Variants in DENND11 observed in about 807,000 individuals in gnomAD.
The protein encoded by DENND11 is DENN domain containing 11, also known as DENN domain-containing protein 11.
Under a neutral mutation model 49.2 loss-of-function variants are expected in DENND11, and 34 were observed. The observed-to-expected ratio is 0.69, with a 90% confidence interval of 0.53 to 0.92. The LOEUF (loss-of-function observed/expected upper bound fraction) is 0.92, where lower values mean the gene tolerates loss of function less well. Among genes scored for constraint, DENND11 ranks in the 40% least tolerant of loss-of-function variants. DENND11 has a pLI of 0.00. For synonymous variants in DENND11, 238 were observed against 230.3 expected (o/e 1.03, Z -0.30); for missense variants, 475 against 581.6 (o/e 0.82, Z 1.88).
At chr7:141,675,265 G>A (rs931249274) in intron 3 of DENND11, among the ~76,000 whole-genome samples, 16 of 152,186 alleles carry the variant, frequency 1.1e-4, no homozygotes, top group African/African-American at 3.6e-4. Flanking sequence ...GCAGCTCAGG[G>A]AGAGTCCTGG....
At chr7:141,667,203 G>GAA (rs1797909402) in intron 4 of DENND11, among the ~76,000 whole-genome samples, 2 of 152,126 alleles carry the variant, frequency 1.3e-5, no homozygotes, top group Non-Finnish European at 2.9e-5. Flanking sequence ...TTACAGGCGT[G>GAA]AGCCACCACG....
At chr7:141,681,092 G>A (rs1054269047) in intron 3 of DENND11, among the ~76,000 whole-genome samples, 2 of 152,194 alleles carry the variant, frequency 1.3e-5, no homozygotes, top group African/African-American at 4.8e-5. Context: ...GGCAACCCTT[G>A]TTACACTTGT....
In DENND11 at chr7:141,660,476, G is replaced by A. The variant is rs1797772038; in HGVS notation, c.*2180C>T. The A allele has an allele frequency of 6.6e-6, 1 of 151,942 alleles. No homozygotes were observed. The highest frequency in any genetic ancestry group is 1.5e-5 in the Non-Finnish European group (1 of 67,970). The allele number at this position is 151,942 out of a possible 1,614,324, so 9.4% of individuals were successfully genotyped here. On this transcript the variant is annotated 3_prime_UTR_variant, in exon 9 of 9. Transcript: ENST00000536163. ...AGAAGCCCTGACTCACCATTCAAAG[G>A]AAAAAACAGGAACTTCATTCTCACC...
chr7:141,693,770 T>A (rs1798365218), intron 1 of DENND11, among the ~76,000 whole-genome samples: 1 of 152,180 alleles, frequency 6.6e-6, no homozygotes, highest in Non-Finnish European at 1.5e-5. Flanking sequence ...TGATTTCAAC[T>A]ATGTGACATT....
chr7:141,668,130 A>G (rs937181184), intron 4 of DENND11, among the ~76,000 whole-genome samples: 8 of 152,204 alleles, frequency 5.3e-5, no homozygotes, highest in Non-Finnish European at 8.8e-5. Context: ...TGCCCAATGT[A>G]TATTTTATAG....
chr7:141,677,499 GTGTGTATA>G (rs1256618642), intron 3 of DENND11, among the ~76,000 whole-genome samples: 1 of 130,992 alleles, frequency 7.6e-6, no homozygotes, highest in African/African-American at 2.9e-5. Flanking sequence ...GTGTGTGTGT[GTGTGTATA>G]TATATATATA....
rs1373226001 is a variant in DENND11 at position 141,702,036 on chromosome 7, C to T, written c.118G>A (p.Ala40Thr). The T allele has an allele frequency of 1.9e-5, 19 of 1,007,098 alleles. No homozygotes were observed. The highest frequency in any genetic ancestry group is 2.2e-5 in the Non-Finnish European group (19 of 845,860). The allele number at this position is 1,007,098 out of a possible 1,614,324, so 62.4% of individuals were successfully genotyped here. ...GGWGRGGGGG[A>T]RPAAEPPRRR... ...CGGGGCGGCTCCGCGGCCGGCCGGG[C>T]GCCCCCGCCGCCGCCCCGGCCCCAG... is the stretch of plus-strand genomic sequence containing the variant. Residue 40 changes from alanine (A) to threonine (T), a missense_variant, in exon 1 of 9, where the codon GCC becomes ACC. Ala to Thr is a moderately conservative substitution (Grantham distance 58). Transcript: ENST00000536163.
At chr7:141,666,208 C>G in intron 5 of DENND11, 79 bp downstream of exon 5, 5 of 1,461,540 alleles carry the variant, frequency 3.4e-6, no homozygotes, top group Non-Finnish European at 4.6e-6. Context: ...CTCTTCCAAA[C>G]TTGGTCAGTG....
chr7:141,684,578 T>C (rs1477223050), intron 3 of DENND11, among the ~76,000 whole-genome samples: 1 of 152,192 alleles, frequency 6.6e-6, no homozygotes, highest in African/African-American at 2.4e-5. Flanking sequence ...AATTTTTAAA[T>C]AATAAACGTG....
intron 3 of DENND11, among the ~76,000 whole-genome samples, chr7:141,684,536 G>T (rs1461925613): frequency 2.6e-5 from 4 of 151,928 alleles, no homozygotes; most frequent in African/African-American, 9.7e-5. Flanking sequence ...ATATATGAGA[G>T]GATTTTTAAA....
At position 141,662,173 on chromosome 7, in the gene DENND11, GGATTTGATCCCAA is replaced by G. The variant is rs1797807551; in HGVS notation, c.*470_*482del. 6.5e-6 allele frequency: 1 copy of G among 154,402 alleles called. No individual in the cohort carries two copies. The highest frequency in any genetic ancestry group is 1.4e-5 in the Non-Finnish European group (1 of 69,668). The allele number at this position is 154,402 out of a possible 1,614,324, so 9.6% of individuals were successfully genotyped here. A position where few individuals can be genotyped will look rare whatever the true frequency, so the allele number is the denominator to read the frequency against. On this transcript the variant is annotated 3_prime_UTR_variant, in exon 9 of 9. Transcript: ENST00000536163. ...AAGTTGCCCTAATGAACAAGAAAAG[GGATTTGATCCCAA>G]GACTATAGACTCCTAGAACTACTAA...
intron 3 of DENND11, among the ~76,000 whole-genome samples, chr7:141,681,897 T>C (rs528695535): frequency 6.6e-6 from 1 of 152,108 alleles, no homozygotes; most frequent in Non-Finnish European, 1.5e-5. Flanking sequence ...CCAAGTGCCA[T>C]GGAGGACAAT....
rs974673303 is a variant in DENND11, at chr7:141,673,460, T to G, written c.681+607A>C. Among the ~76,000 whole-genome samples the G allele has an allele frequency of 1.3e-5, 2 of 152,170 alleles. 1 individual carries two copies. The highest frequency in any genetic ancestry group is 3.9e-4 in the East Asian group (2 of 5,192). ...GGACTGCGTCCTCTCCTAAGGCATC[T>G]TCCCAGAGTTCTCCCTTGGACTCTT... is the stretch of plus-strand genomic sequence containing the variant. On this transcript the variant is annotated intron_variant, in intron 4 of 8. Transcript: ENST00000536163.
chr7:141,666,028 C>T (rs1379610062), intron 5 of DENND11, among the ~76,000 whole-genome samples: 1 of 150,966 alleles, frequency 6.6e-6, no homozygotes, highest in Admixed American at 6.7e-5. Flanking sequence ...AAGTTTTGTC[C>T]AGTTTCTCTT....
intron 4 of DENND11, among the ~76,000 whole-genome samples, chr7:141,667,928 C>T (rs1166803753): frequency 6.6e-6 from 1 of 152,200 alleles, no homozygotes; most frequent in Non-Finnish European, 1.5e-5. Flanking sequence ...CACCGCAACC[C>T]AAATCATGAG....
chr7:141,698,504 G>T (rs1263075719), intron 1 of DENND11, among the ~76,000 whole-genome samples: 1 of 152,132 alleles, frequency 6.6e-6, no homozygotes, highest in East Asian at 1.9e-4. Context: ...GAGTGTATGT[G>T]TAAGCCTCAC....
chr7:141,686,757 T>G, intron 1 of DENND11, 99 bp from the exon 2 acceptor site: 1 of 787,470 alleles, frequency 1.3e-6, no homozygotes, highest in African/African-American at 1.7e-5. Flanking sequence ...ATAAACCGAC[T>G]GCTGACTCAG....
intron 1 of DENND11, among the ~76,000 whole-genome samples, chr7:141,697,716 A>G (rs910623144): frequency 2.0e-5 from 3 of 152,090 alleles, no homozygotes; most frequent in African/African-American, 4.8e-5. Flanking sequence ...ACCTAGCCCT[A>G]TTCTCACTGG....
At chr7:141,673,257 C>A (rs868544049) in intron 4 of DENND11, among the ~76,000 whole-genome samples, 208 of 150,182 alleles carry the variant, frequency 1.4e-3, no homozygotes, top group East Asian at 0.012. Context: ...AAAAAAAAAA[C>A]AAAAAACATT....
Sources: allele counts gnomAD v4.1 joint callset (sites outside exome capture counted in the v4.1 genomes callset), GRCh38; gene constraint gnomAD v4.1.1; transcripts MANE v1.5; gene names NCBI Gene and HGNC (gene_info 2026-07-23, HGNC 2026-07-21).